LRRC20: variants seen among roughly 807,000 people sequenced by gnomAD.
LRRC20 encodes leucine-rich repeat-containing protein 20.
In LRRC20, 11 loss-of-function variants were observed where a neutral mutation model predicts 14.4. That is an observed-to-expected ratio of 0.77 (90% CI 0.48 to 1.27). The LOEUF (loss-of-function observed/expected upper bound fraction) is 1.27, where lower values mean the gene tolerates loss of function less well. LRRC20 is among the 50% of genes most tolerant of loss of function. The probability of loss-of-function intolerance (pLI) is 0.00; values close to 1 mark genes in which losing one functional copy is unlikely to be tolerated. For synonymous variants in LRRC20, 121 were observed against 107.3 expected (o/e 1.13, Z -0.79); for missense variants, 219 against 251.2 (o/e 0.87, Z 0.87).
chr10:70,305,283 C>T (rs1413701934), intron 4 of LRRC20, among the ~76,000 whole-genome samples: 2 of 152,230 alleles, frequency 1.3e-5, no homozygotes, highest in East Asian at 1.9e-4. Flanking sequence ...TTGTTCCCAT[C>T]GCTTGGCTAT....
At chr10:70,318,287 G>T (rs893896508) in intron 4 of LRRC20, among the ~76,000 whole-genome samples, 1 of 152,192 alleles carries the variant, frequency 6.6e-6, no homozygotes, top group Non-Finnish European at 1.5e-5. Context: ...TAGGTCTAGG[G>T]CAAGGCCAGG....
At chr10:70,362,240 G>A (rs1267416258) in intron 2 of LRRC20, among the ~76,000 whole-genome samples, 1 of 152,240 alleles carries the variant, frequency 6.6e-6, no homozygotes, top group African/African-American at 2.4e-5. Context: ...GCCCAGACAC[G>A]TGAAGAACAG....
intron 4 of LRRC20, among the ~76,000 whole-genome samples, chr10:70,321,831 G>C (rs1332279097): frequency 6.6e-6 from 1 of 152,086 alleles, no homozygotes; most frequent in Non-Finnish European, 1.5e-5. Context: ...CTGTGTCAAG[G>C]GGAGACCATC....
At chr10:70,351,096 G>A (rs1843285869) in intron 2 of LRRC20, among the ~76,000 whole-genome samples, 2 of 152,006 alleles carry the variant, frequency 1.3e-5, no homozygotes, top group African/African-American at 4.8e-5. Flanking sequence ...TGGGAGGATT[G>A]CTTGAGCCTA....
chr10:70,327,945 G>A (rs1411659064), intron 3 of LRRC20, among the ~76,000 whole-genome samples: 2 of 152,104 alleles, frequency 1.3e-5, no homozygotes, highest in African/African-American at 2.4e-5. Flanking sequence ...AGTTTTACAC[G>A]CCTAATCCCT....
At chr10:70,304,506 A>ATATATATATATATATATT (rs1841344063) in intron 4 of LRRC20, among the ~76,000 whole-genome samples, 2 of 129,352 alleles carry the variant, frequency 1.5e-5, no homozygotes, top group African/African-American at 6.0e-5. Context: ...ATATATATAT[A>ATATATATATATATATATT]TTTTACTAAG....
rs1297522075 is a variant in LRRC20 at position 70,300,432 on chromosome 10, A to G, written c.*922T>C. On this transcript the variant is annotated 3_prime_UTR_variant, in exon 5 of 5. Coordinates refer to ENST00000446961, the MANE Select transcript of LRRC20 (RefSeq NM_001278212.2). ...GCGTTGGCCTGGGAGCTGGCTGGCTACAAATCCCGTGGTCCACATCGCCTT... is the reference window on the plus strand; with the variant it reads ...GCGTTGGCCTGGGAGCTGGCTGGCTGCAAATCCCGTGGTCCACATCGCCTT... The G allele has an allele frequency of 7.1e-6, 7 of 985,446 alleles. No homozygotes were observed. The Admixed American group carries it at 3.7e-4, about 52-fold the overall frequency. The allele number at this position is 985,446 out of a possible 1,614,324, so 61.0% of individuals were successfully genotyped here. A position where few individuals can be genotyped will look rare whatever the true frequency, so the allele number is the denominator to read the frequency against.
At chr10:70,367,478 C>T (rs184508065) in intron 2 of LRRC20, among the ~76,000 whole-genome samples, 3 of 152,198 alleles carry the variant, frequency 2.0e-5, no homozygotes, top group Non-Finnish European at 2.9e-5. Context: ...AAAGGATAAA[C>T]GGATCATGGA....
intron 2 of LRRC20, among the ~76,000 whole-genome samples, chr10:70,346,301 A>T (rs897186904): frequency 6.6e-6 from 1 of 152,148 alleles, no homozygotes; most frequent in Non-Finnish European, 1.5e-5. Flanking sequence ...GTGTAGTTCC[A>T]GGTACTCGGG....
intron 4 of LRRC20, among the ~76,000 whole-genome samples, chr10:70,311,222 ATTTTTTT>A (rs11314061): frequency 8.0e-4 from 69 of 86,344 alleles, no homozygotes; most frequent in Middle Eastern, 7.4e-3. Context: ...TCAACATTCC[ATTTTTTT>A]TTTTTTTTTT....
intron 1 of LRRC20, among the ~76,000 whole-genome samples, chr10:70,377,401 C>T (rs1474075846): frequency 6.6e-6 from 1 of 152,122 alleles, no homozygotes; most frequent in African/African-American, 2.4e-5. Flanking sequence ...CCCTCAACTC[C>T]CTGTTTATTA....
At position 70,301,278 on chromosome 10, in the gene LRRC20, C is replaced by T; in HGVS notation, c.*76G>A. On this transcript the variant is annotated 3_prime_UTR_variant, in exon 5 of 5. Coordinates refer to ENST00000446961, the MANE Select transcript of LRRC20 (RefSeq NM_001278212.2). ...GCCCCCAGCCCCCAGGCTTGGCCTC[C>T]CATGGGCCTCCCTCCCTTCCAGGGT... The T allele has an allele frequency of 2.3e-5, 36 of 1,532,336 alleles. No homozygotes were observed. Among genetic ancestry groups the T allele is most frequent in the Non-Finnish European group, 3.0e-5 (34 of 1,143,098 alleles). 94.9% of individuals were successfully genotyped at this position (1,532,336 alleles called of 1,614,324 possible).
chr10:70,308,742 C>T (rs1340717297), intron 4 of LRRC20, among the ~76,000 whole-genome samples: 2 of 152,076 alleles, frequency 1.3e-5, no homozygotes, highest in African/African-American at 4.8e-5. Context: ...CAGGAAAAGA[C>T]GCAGAGACAG....
At position 70,367,730 on chromosome 10, in the gene LRRC20, G is replaced by C. The variant is rs573011364; in HGVS notation, c.82+8722C>G. 5.3e-5 allele frequency among the ~76,000 whole-genome samples: 8 copies of C among 152,130 alleles called. No individual in the cohort carries two copies. In the East Asian group the frequency reaches 1.5e-3, roughly 29 times the overall value. ...GTTTGGCTGCAGGGGAGCATGAGGT[G>C]ATAAAAAGGTTCTGAGTCTTGTTGT... On this transcript the variant is annotated intron_variant, in intron 2 of 4. Transcript: ENST00000446961.
At chr10:70,380,394 C>G (rs1311765315) in intron 1 of LRRC20, among the ~76,000 whole-genome samples, 11 of 152,234 alleles carry the variant, frequency 7.2e-5, no homozygotes. Flanking sequence ...TCACCTAAAA[C>G]TGCCCCTTTC....
chr10:70,375,284 T>C (rs1001097835), intron 2 of LRRC20, among the ~76,000 whole-genome samples: 7 of 152,146 alleles, frequency 4.6e-5, no homozygotes, highest in South Asian at 4.1e-4. Context: ...ACAAAGTGCC[T>C]GACACTGCGC....
At chr10:70,352,949 A>G (rs965555105) in intron 2 of LRRC20, among the ~76,000 whole-genome samples, 9 of 152,046 alleles carry the variant, frequency 5.9e-5, no homozygotes, top group African/African-American at 2.2e-4. Context: ...AACATTATAA[A>G]CTTTTTTCCA....
chr10:70,333,329 T>TA (rs1842607618), intron 3 of LRRC20, among the ~76,000 whole-genome samples: 1 of 152,142 alleles, frequency 6.6e-6, no homozygotes, highest in South Asian at 2.1e-4. Context: ...TAGGGGTGGT[T>TA]AAGACCCAGG....
intron 4 of LRRC20, among the ~76,000 whole-genome samples, chr10:70,320,345 A>AGATAGATAGATAGATC (rs796366410): frequency 2.7e-5 from 4 of 148,552 alleles, no homozygotes; most frequent in African/African-American, 7.5e-5. Context: ...ATAGATAGAT[A>AGATAGATAGATAGATC]GATCTGTGCA....
Sources: allele counts gnomAD v4.1 joint callset (sites outside exome capture counted in the v4.1 genomes callset), GRCh38; gene constraint gnomAD v4.1.1; transcripts MANE v1.5; gene names NCBI Gene and HGNC (gene_info 2026-07-23, HGNC 2026-07-21).